CELF2: variants seen among roughly 807,000 people sequenced by gnomAD.
CELF2 encodes CUGBP Elav-like family member 2.
Under a neutral mutation model 62.6 loss-of-function variants are expected in CELF2, and 8 were observed. The ratio of observed to expected loss-of-function variants is 0.13; its 90% CI spans 0.07 to 0.23. CELF2 has a LOEUF of 0.23. Ranked by LOEUF, CELF2 falls within the 10% of genes least tolerant of loss-of-function variation. The pLI, the probability that CELF2 is intolerant of heterozygous loss-of-function variation, is 1.00. For missense variants in CELF2, 333 were observed against 671.0 expected (o/e 0.50, Z 5.56); for synonymous variants, 258 against 250.0 (o/e 1.03, Z -0.30).
the CELF2 span, among the ~76,000 whole-genome samples, chr10:10,648,601 C>G: frequency 5.3e-5 from 8 of 152,162 alleles, no homozygotes; most frequent in Non-Finnish European, 1.2e-4. Context: ...ATAGCCTTTC[C>G]TCTCGGCTCT....
the CELF2 span, among the ~76,000 whole-genome samples, chr10:10,494,824 GAATCTACAT>G: frequency 2.6e-5 from 4 of 152,174 alleles, no homozygotes; most frequent in African/African-American, 9.7e-5. Context: ...AAATTAATAT[GAATCTACAT>G]ACAACAAAAG....
intron 9 of CELF2, among the ~76,000 whole-genome samples, chr10:11,303,434 C>T (rs928589690): frequency 6.6e-6 from 1 of 152,204 alleles, no homozygotes; most frequent in Non-Finnish European, 1.5e-5. Flanking sequence ...ATCTTCATTG[C>T]AAGTGCTGTA....
In CELF2 at chr10:11,306,465, T is replaced by C. The variant is rs1166920325; in HGVS notation, c.977-7674T>C. On this transcript the variant is annotated intron_variant, in intron 9 of 12. Coordinates refer to ENST00000633077, the MANE Select transcript of CELF2 (RefSeq NM_001326342.2). This position sits in a 1 kb window ranked among gnomAD's most constrained non-coding sequence, Gnocchi z 4.4. ...TGTGTCTCTGTCTAAGACCTCTTTC[T>C]CAATTGTGCATCTGCTGAACGGTCA... 6.6e-6 allele frequency among the ~76,000 whole-genome samples: 1 copy of C among 152,096 alleles called. No individual in the cohort carries two copies. The highest frequency in any genetic ancestry group is 1.5e-5 in the Non-Finnish European group (1 of 68,018).
chr10:10,471,879 TA>T, the CELF2 span, among the ~76,000 whole-genome samples: 1 of 151,858 alleles, frequency 6.6e-6, no homozygotes, highest in African/African-American at 2.4e-5. Context: ...TAGAATTAAT[TA>T]TTGACCAATT....
intron 1 of CELF2, among the ~76,000 whole-genome samples, chr10:11,064,074 T>A (rs2067470320): frequency 6.6e-6 from 1 of 152,198 alleles, no homozygotes; most frequent in African/African-American, 2.4e-5. Context: ...ATTCCCAGCA[T>A]CTGCTTGGGA....
At chr10:10,504,392 C>A in the CELF2 span, among the ~76,000 whole-genome samples, 10 of 152,016 alleles carry the variant, frequency 6.6e-5, no homozygotes, top group Admixed American at 5.2e-4. Flanking sequence ...TTTGTCACTT[C>A]CTTCTGGCTT....
intron 1 of CELF2, among the ~76,000 whole-genome samples, chr10:11,158,051 C>T (rs995532559): frequency 6.6e-6 from 1 of 152,156 alleles, no homozygotes; most frequent in Admixed American, 6.5e-5. Flanking sequence ...AGCGCAGGCC[C>T]CTGTTGAGTT....
intron 8 of CELF2, among the ~76,000 whole-genome samples, chr10:11,284,196 G>T (rs2090224290): frequency 8.1e-6 from 1 of 122,756 alleles, no homozygotes; most frequent in Non-Finnish European, 1.7e-5. Context: ...AGTGCGTGGT[G>T]GGTGGGTGAG....
intron 1 of CELF2, among the ~76,000 whole-genome samples, chr10:11,124,848 A>G (rs1240217658): frequency 6.6e-6 from 1 of 152,210 alleles, no homozygotes; most frequent in African/African-American, 2.4e-5. Context: ...TGGATAGCAT[A>G]TTTCACTTTG....
rs1376716051 is a variant in CELF2 at position 11,260,727 on chromosome 10, A to C, written c.538+2855A>C. Among the ~76,000 whole-genome samples, 1 of 152,100 alleles carries C rather than the reference A, an allele frequency of 6.6e-6. No homozygotes were observed. Among genetic ancestry groups the C allele is most frequent in the Non-Finnish European group, 1.5e-5 (1 of 68,026 alleles). On this transcript the variant is annotated intron_variant, in intron 5 of 12. Transcript: ENST00000633077. This position sits in a 1 kb window ranked among gnomAD's most constrained non-coding sequence, Gnocchi z 4.2. ...TTCCCTGTTGCAAAAAAAGAAAAATAAGAAAGAAAGAAAATACTCATTTAT... is the reference window on the plus strand; with the variant it reads ...TTCCCTGTTGCAAAAAAAGAAAAATCAGAAAGAAAGAAAATACTCATTTAT...
At chr10:10,586,917 G>A in the CELF2 span, among the ~76,000 whole-genome samples, 2 of 152,074 alleles carry the variant, frequency 1.3e-5, no homozygotes, top group South Asian at 4.1e-4. Flanking sequence ...GTTTCTTCCT[G>A]CTCTGAATGT....
chr10:11,192,744 G>T (rs1391865191), intron 2 of CELF2, among the ~76,000 whole-genome samples: 1 of 152,186 alleles, frequency 6.6e-6, no homozygotes, highest in African/African-American at 2.4e-5. Context: ...GGATGCCATG[G>T]TTTTAACCCC....
chr10:10,764,085 C>A, the CELF2 span, among the ~76,000 whole-genome samples: 1 of 152,180 alleles, frequency 6.6e-6, no homozygotes, highest in African/African-American at 2.4e-5. Context: ...GTAACAGAGC[C>A]ACTCTGGGGT....
chr10:11,002,247 C>G (rs2054590032), upstream of CELF2, among the ~76,000 whole-genome samples: 2 of 152,196 alleles, frequency 1.3e-5, no homozygotes, highest in South Asian at 4.1e-4. This position sits in a 1 kb window ranked among gnomAD's most constrained non-coding sequence, Gnocchi z 4.4. Flanking sequence ...GACTTATTCA[C>G]TACCACGAGA....
chr10:10,557,354 C>T, the CELF2 span, among the ~76,000 whole-genome samples: 11 of 151,736 alleles, frequency 7.2e-5, no homozygotes, highest in East Asian at 1.5e-3. Flanking sequence ...GGATATGTGG[C>T]GTTATTTCTG....
At chr10:10,660,072 G>T in the CELF2 span, among the ~76,000 whole-genome samples, 1 of 152,158 alleles carries the variant, frequency 6.6e-6, no homozygotes, top group Non-Finnish European at 1.5e-5. Flanking sequence ...AGGAAACCAG[G>T]CCTCCTCTAG....
chr10:10,809,338 T>C (rs1209368612), intron 1 of CELF2, among the ~76,000 whole-genome samples: 1 of 152,190 alleles, frequency 6.6e-6, no homozygotes, highest in Admixed American at 6.5e-5. Flanking sequence ...TGTGAGAAAA[T>C]GCACTTGTAC....
the CELF2 span, among the ~76,000 whole-genome samples, chr10:10,675,380 G>GT: frequency 6.6e-5 from 10 of 152,026 alleles, no homozygotes; most frequent in Non-Finnish European, 1.5e-4. Context: ...ATAAGCGGGG[G>GT]TTTTTTCCCT....
At chr10:10,910,095 A>G (rs753865433) in intron 1 of CELF2, among the ~76,000 whole-genome samples, 1 of 152,236 alleles carries the variant, frequency 6.6e-6, no homozygotes, top group Non-Finnish European at 1.5e-5. Context: ...TCTAATTAAG[A>G]GGACTTATTA....
Sources: gnomAD v4.1 joint callset for allele counts (sites outside exome capture counted in the v4.1 genomes callset) on GRCh38, gnomAD v4.1.1 for gene constraint, Gnocchi (gnomAD v3.1) non-coding constraint, MANE v1.5 for transcripts, NCBI Gene and HGNC (gene_info 2026-07-23, HGNC 2026-07-21) for gene names.